Variants in CDKL5 observed in about 807,000 individuals in gnomAD.
The protein encoded by CDKL5 is cyclin-dependent kinase-like 5.
Under a neutral mutation model 61.7 loss-of-function variants are expected in CDKL5, and 8 were observed. The ratio of observed to expected loss-of-function variants is 0.13; its 90% CI spans 0.08 to 0.23. The LOEUF (loss-of-function observed/expected upper bound fraction) is 0.23. Among genes scored for constraint, CDKL5 ranks in the 10% least tolerant of loss-of-function variants. CDKL5 has a pLI of 1.00. For missense variants in CDKL5, 440 were observed against 734.5 expected (o/e 0.60, Z 4.63); for synonymous variants, 275 against 272.3 (o/e 1.01, Z -0.10).
chrX:18,469,562 C>T (rs1269249207), intron 1 of CDKL5, among the ~76,000 whole-genome samples: 3 of 103,738 alleles, frequency 2.9e-5, no homozygotes, highest in Non-Finnish European at 3.9e-5. Flanking sequence ...GCAGGAGAAT[C>T]GCTTGAACCC....
rs1419259622 is a variant in CDKL5 at position 18,503,809 on chromosome X, A to G, written c.-162-3126A>G. Reference sequence around the variant, plus strand: ...CAGGCTGGAGTGCAGTGGTGCGATCACGGCTCACCGCAGCTTCGCCCTCCT... The same window carrying G: ...CAGGCTGGAGTGCAGTGGTGCGATCGCGGCTCACCGCAGCTTCGCCCTCCT... On this transcript the variant is annotated intron_variant, in intron 1 of 17. Coordinates refer to ENST00000623535, the MANE Select transcript of CDKL5 (RefSeq NM_001323289.2). 2.7e-5 allele frequency among the ~76,000 whole-genome samples: 3 copies of G among 111,865 alleles called. No homozygotes were observed. The Admixed American group carries it at 2.8e-4, about 11-fold the overall frequency.
At chrX:18,449,751 T>A (rs1197487812) in intron 1 of CDKL5, among the ~76,000 whole-genome samples, 1 of 112,483 alleles carries the variant, frequency 8.9e-6, no homozygotes, top group Non-Finnish European at 1.9e-5. Flanking sequence ...GCATTTTCTT[T>A]TCATGTTAAT....
At chrX:18,584,148 C>A in intron 7 of CDKL5, 115 bp from the exon 8 acceptor site, 1 of 558,256 alleles carries the variant, frequency 1.8e-6, no homozygotes, top group Non-Finnish European at 3.3e-6. Context: ...CATGCGAGAA[C>A]AGTCATTACA....
intron 1 of CDKL5, among the ~76,000 whole-genome samples, chrX:18,464,757 C>T (rs768501906): frequency 9.0e-6 from 1 of 111,491 alleles, no homozygotes; most frequent in African/African-American, 3.3e-5. Flanking sequence ...AGGTCTACCC[C>T]AGGTTCAGGC....
intron 1 of CDKL5, among the ~76,000 whole-genome samples, chrX:18,490,587 A>G (rs754954872): frequency 2.7e-5 from 3 of 111,695 alleles, no homozygotes; most frequent in East Asian, 5.6e-4. Context: ...CTATAACTCA[A>G]AAGTGCTCTT....
In CDKL5 at chrX:18,631,428, G is replaced by A. The variant is rs1186581683; in HGVS notation, c.*2671G>A. The A allele has an allele frequency of 2.7e-6, 2 of 752,224 alleles. No individual in the cohort carries two copies. Among genetic ancestry groups the A allele is most frequent in the Non-Finnish European group, 1.6e-6 (1 of 638,723 alleles). 62.0% of individuals were successfully genotyped at this position (752,224 alleles called of 1,213,427 possible). On this transcript the variant is annotated 3_prime_UTR_variant, in exon 18 of 18. Transcript: ENST00000623535. The stretch of plus-strand genomic sequence containing the variant: ...CAATTCTCTTCCTGCTCACGGAGGG[G>A]GATGCAAAAGTTTTCTCTCACACCT...
rs1922636629 is a variant in CDKL5 at position 18,507,683 on chromosome X, T to G, written c.64+523T>G. On this transcript the variant is annotated intron_variant, in intron 2 of 17. Coordinates refer to ENST00000623535, the MANE Select transcript of CDKL5 (RefSeq NM_001323289.2). ...GCCTCCTGGGTTCAAGCGATTCTCC[T>G]GCCTCAGCCTCCTGAGATTACAGGC... Among the ~76,000 whole-genome samples the G allele has an allele frequency of 2.7e-5, 3 of 111,106 alleles. No individual in the cohort carries two copies. In the Admixed American group the frequency reaches 2.9e-4, roughly 11 times the overall value.
intron 1 of CDKL5, among the ~76,000 whole-genome samples, chrX:18,466,925 A>T (rs1920966046): frequency 9.0e-6 from 1 of 111,419 alleles, no homozygotes; most frequent in African/African-American, 3.3e-5. Context: ...GCCAATAGAG[A>T]TGCACTGCAG....
At chrX:18,587,702 A>G (rs1297100909) in intron 8 of CDKL5, 2 of 388,466 alleles carry the variant, frequency 5.1e-6, no homozygotes, top group African/African-American at 2.5e-5. Context: ...TTTAAGATAC[A>G]TATCTATTTA....
chrX:18,428,998 A>T (rs898913779), intron 1 of CDKL5, among the ~76,000 whole-genome samples: 18 of 110,068 alleles, frequency 1.6e-4, no homozygotes, highest in Non-Finnish European at 2.8e-4. Context: ...CGTTTTTAGA[A>T]TTTTTTTTTA....
intron 9 of CDKL5, chrX:18,588,394 GTA>G (rs748464940): frequency 3.7e-5 from 11 of 300,447 alleles, no homozygotes; most frequent in African/African-American, 3.1e-4. Context: ...CTTTTTTAGT[GTA>G]TACATTTTTA....
At chrX:18,486,143 A>G (rs1472892891) in intron 1 of CDKL5, among the ~76,000 whole-genome samples, 3 of 111,462 alleles carry the variant, frequency 2.7e-5, no homozygotes, top group Non-Finnish European at 5.6e-5. Context: ...CATTACTTGC[A>G]TTCACCGAAC....
At chrX:18,593,664 C>T (rs1925897716) in intron 9 of CDKL5, among the ~76,000 whole-genome samples, 1 of 111,821 alleles carries the variant, frequency 8.9e-6, no homozygotes, top group African/African-American at 3.2e-5. Flanking sequence ...TGCCTTGAAC[C>T]AGTTATTTGA....
rs1922424665 is a variant in CDKL5 at position 18,502,527 on chromosome X, C to T, written c.-162-4408C>T. ...GGAGGGGAGGTCAAGGCCTGTGGCT[C>T]ATGTGGATTTTGCTTTTCACTCTTA... is the stretch of plus-strand genomic sequence containing the variant. On this transcript the variant is annotated intron_variant, in intron 1 of 17. Coordinates refer to ENST00000623535, the MANE Select transcript of CDKL5 (RefSeq NM_001323289.2). Among the ~76,000 whole-genome samples the T allele has an allele frequency of 2.7e-5, 3 of 110,968 alleles. No individual in the cohort carries two copies. The South Asian group carries it at 1.1e-3, about 43-fold the overall frequency.
chrX:18,491,346 A>G (rs1158114541), intron 1 of CDKL5, among the ~76,000 whole-genome samples: 1 of 112,051 alleles, frequency 8.9e-6, no homozygotes, highest in African/African-American at 3.2e-5. Flanking sequence ...AGATCGTCCA[A>G]CTGAGGAGCC....
At chrX:18,568,369 T>C (rs1258046428) in intron 4 of CDKL5, among the ~76,000 whole-genome samples, 4 of 112,505 alleles carry the variant, frequency 3.6e-5, no homozygotes, top group African/African-American at 1.3e-4. Context: ...CCCAGGATGA[T>C]AGATCACTAT....
chrX:18,470,035 C>T (rs2147654498), intron 1 of CDKL5, among the ~76,000 whole-genome samples: 1 of 111,846 alleles, frequency 8.9e-6, no homozygotes, highest in East Asian at 2.8e-4. Context: ...GAGAACATTT[C>T]TTACATATAG....
chrX:18,583,276 G>A (rs967940278), intron 7 of CDKL5, among the ~76,000 whole-genome samples: 2 of 111,433 alleles, frequency 1.8e-5, no homozygotes, highest in African/African-American at 6.5e-5. Flanking sequence ...CCTCCTGGCA[G>A]CACCACATGC....
At position 18,480,500 on chromosome X, in the gene CDKL5, A is replaced by G. The variant is rs186794615; in HGVS notation, c.-162-26435A>G. 4.3e-3 allele frequency among the ~76,000 whole-genome samples: 482 copies of G among 111,597 alleles called. 2 individuals carry two copies. The highest frequency in any genetic ancestry group is 0.042 in the Middle Eastern group (9 of 213). ...ACTACTCTTTTTCTCCCTTTCCATAATGTCCTCTTTGGAAGAAAGTTACTA... is the reference window on the plus strand; with the variant it reads ...ACTACTCTTTTTCTCCCTTTCCATAGTGTCCTCTTTGGAAGAAAGTTACTA... On this transcript the variant is annotated intron_variant, in intron 1 of 17. Transcript: ENST00000623535.
Sources: allele counts gnomAD v4.1 joint callset (sites outside exome capture counted in the v4.1 genomes callset), GRCh38; gene constraint gnomAD v4.1.1; transcripts MANE v1.5; gene names NCBI Gene and HGNC (gene_info 2026-07-23, HGNC 2026-07-21).